BET1: variants seen among roughly 807,000 people sequenced by gnomAD.
BET1 encodes BET1 homolog.
A neutral mutation model predicts 13.9 loss-of-function variants in BET1; 9 were observed. The ratio of observed to expected loss-of-function variants is 0.65; its 90% confidence interval spans 0.39 to 1.13. The LOEUF (loss-of-function observed/expected upper bound fraction) is 1.13. Among genes scored for constraint, BET1 ranks in the 50% most tolerant of loss-of-function variants. The pLI is 0.01. For missense variants in BET1, 127 were observed against 133.6 expected (o/e 0.95, Z 0.24); for synonymous variants, 39 against 47.3 (o/e 0.82, Z 0.72).
exon 7 of BET1, chr7:93,964,706 A>G (rs1232863236): frequency 6.6e-6 from 1 of 152,124 alleles, no homozygotes; most frequent in Non-Finnish European, 1.5e-5. Flanking sequence ...GCCAAGAAAC[A>G]TATTTAAAAA....
intron 6 of BET1, among the ~76,000 whole-genome samples, chr7:93,967,240 C>T (rs1306121255): frequency 6.6e-6 from 1 of 151,844 alleles, no homozygotes; most frequent in Non-Finnish European, 1.5e-5. Context: ...CTTAAAGAGT[C>T]TCCTGTGCCT....
chr7:93,986,986 C>T (rs1451463611), intron 4 of BET1, among the ~76,000 whole-genome samples: 2 of 151,638 alleles, frequency 1.3e-5, no homozygotes, highest in East Asian at 3.9e-4. Flanking sequence ...TACAGTAGAA[C>T]ATACCATGTA....
intron 1 of BET1, chr7:93,999,756 T>C (rs1163656565): frequency 6.6e-6 from 3 of 454,304 alleles, no homozygotes; most frequent in South Asian, 4.7e-5. Flanking sequence ...CATCTCTTTC[T>C]CTTAAATAGA....
chr7:93,979,957 C>T (rs1795398557), intron 4 of BET1, among the ~76,000 whole-genome samples: 1 of 151,292 alleles, frequency 6.6e-6, no homozygotes, highest in Non-Finnish European at 1.5e-5. Context: ...GTCAAAAAAA[C>T]CCAGATTCCA....
chr7:93,982,182 A>G (rs747469456), intron 4 of BET1, among the ~76,000 whole-genome samples: 7 of 152,164 alleles, frequency 4.6e-5, no homozygotes, highest in Non-Finnish European at 8.8e-5. Context: ...AGCTTAATAA[A>G]TATTTTATGA....
At chr7:93,962,792 ATT>A (rs1795112550) in exon 7 of BET1, 1 of 151,588 alleles carries the variant, frequency 6.6e-6, no homozygotes, top group Admixed American at 6.6e-5. Flanking sequence ...ATAAACCTTT[ATT>A]AAAAAAAAAA....
chr7:93,979,727 C>T (rs563045014), intron 4 of BET1, among the ~76,000 whole-genome samples: 14 of 152,146 alleles, frequency 9.2e-5, no homozygotes, highest in African/African-American at 3.4e-4. Context: ...CCCAGCTTCT[C>T]CCTGGGGAGT....
At chr7:93,986,916 A>G (rs760676238) in intron 4 of BET1, among the ~76,000 whole-genome samples, 16 of 152,174 alleles carry the variant, frequency 1.1e-4, no homozygotes, top group Non-Finnish European at 2.1e-4. Context: ...TATTCCGTAT[A>G]GTACATGCTA....
intron 5 of BET1, chr7:93,972,776 A>G (rs1795277070): frequency 6.6e-6 from 1 of 151,558 alleles, no homozygotes; most frequent in Non-Finnish European, 1.5e-5. Flanking sequence ...TTTTTTTCCT[A>G]TTATTTTTGA....
Position 93,993,704 on chromosome 7 carries a change from A to T in BET1, c.*526T>A. 7.4e-7 allele frequency: 1 copy of T among 1,355,968 alleles called. No individual in the cohort carries two copies. Among genetic ancestry groups the T allele is most frequent in the Non-Finnish European group, 9.4e-7 (1 of 1,060,080 alleles). 84.0% of individuals were successfully genotyped at this position (1,355,968 alleles called of 1,614,324 possible). A position where few individuals can be genotyped will look rare whatever the true frequency, so the allele number is the denominator to read the frequency against. ...TGAGGGGTCATTATCATCAAAAATT[A>T]TTAGGAAGATTGTAGGTAAAAAGAA... On this transcript the variant is annotated 3_prime_UTR_variant, in exon 4 of 4. Transcript: ENST00000222547.
intron 4 of BET1, chr7:93,987,175 G>A (rs1795544088): frequency 6.6e-6 from 1 of 151,716 alleles, no homozygotes; most frequent in South Asian, 2.1e-4. Flanking sequence ...TCACCGGATC[G>A]ACTTGGGTCA....
chr7:93,981,609 G>A (rs1196666534), intron 4 of BET1, among the ~76,000 whole-genome samples: 1 of 152,198 alleles, frequency 6.6e-6, no homozygotes, highest in African/African-American at 2.4e-5. Flanking sequence ...ACAGTAGGTT[G>A]CTGATTCTCA....
At chr7:93,968,182 T>C (rs572015917) in intron 6 of BET1, among the ~76,000 whole-genome samples, 14 of 151,948 alleles carry the variant, frequency 9.2e-5, no homozygotes, top group African/African-American at 3.4e-4. Flanking sequence ...TAACCAAATA[T>C]AATGTATTAA....
rs746647752 is a variant in BET1 at position 94,004,173 on chromosome 7, C to T, written c.19+25G>A. On this transcript the variant is annotated intron_variant, in intron 1 of 3. Transcript: ENST00000222547. ...GCGCTCCCGGTTCTAGGGCCCCGAACTTCGAACCTCAGCCCTCTTCTTACC... is the reference window on the plus strand; with the variant it reads ...GCGCTCCCGGTTCTAGGGCCCCGAATTTCGAACCTCAGCCCTCTTCTTACC... 7.4e-6 allele frequency: 12 copies of T among 1,613,890 alleles called. No homozygotes were observed. The South Asian group carries it at 1.3e-4, about 18-fold the overall frequency.
chr7:93,975,296 T>C (rs1795319165), intron 5 of BET1, among the ~76,000 whole-genome samples: 1 of 152,172 alleles, frequency 6.6e-6, no homozygotes, highest in Non-Finnish European at 1.5e-5. Flanking sequence ...TGTATTTTTC[T>C]ATTTTTATAA....
chr7:93,984,374 T>TAA (rs1395951444), intron 4 of BET1, among the ~76,000 whole-genome samples: 2 of 152,162 alleles, frequency 1.3e-5, no homozygotes, highest in Non-Finnish European at 2.9e-5. Flanking sequence ...ACATGAATCT[T>TAA]TAGGAACTAT....
intron 3 of BET1, 28 bp from the exon 4 acceptor site, chr7:93,994,413 T>G: frequency 6.3e-7 from 1 of 1,599,180 alleles, no homozygotes; most frequent in Non-Finnish European, 8.5e-7. Context: ...AAATAAAATA[T>G]CACAGTTAGA....
At chr7:94,000,108 T>TG in intron 1 of BET1, among the ~76,000 whole-genome samples, 1 of 72,086 alleles carries the variant, frequency 1.4e-5, no homozygotes, top group South Asian at 5.5e-4. Flanking sequence ...TTAACTATAC[T>TG]TTTTTTTTTT....
At chr7:93,995,653 A>T (rs1795751238) in intron 3 of BET1, among the ~76,000 whole-genome samples, 1 of 152,224 alleles carries the variant, frequency 6.6e-6, no homozygotes, top group African/African-American at 2.4e-5. Context: ...CAAGCTTAGC[A>T]AGAACATTGC....
Sources: gnomAD v4.1 joint callset for allele counts (sites outside exome capture counted in the v4.1 genomes callset) on GRCh38, gnomAD v4.1.1 for gene constraint, MANE v1.5 for transcripts, NCBI Gene and HGNC (gene_info 2026-07-23, HGNC 2026-07-21) for gene names.